Variants in CNTN4 observed in about 807,000 individuals in gnomAD.
The protein encoded by CNTN4 is contactin-4.
A neutral mutation model predicts 122.5 loss-of-function variants in CNTN4; 77 were observed. The ratio of observed to expected loss-of-function variants is 0.63; its 90% confidence interval spans 0.52 to 0.76. The LOEUF (loss-of-function observed/expected upper bound fraction) is 0.76, where lower values mean the gene tolerates loss of function less well. Among genes scored for constraint, CNTN4 ranks in the 30% least tolerant of loss-of-function variants. The pLI is 0.00. For missense variants in CNTN4, 1,256 were observed against 1,259.1 expected, an observed-to-expected ratio of 1.00 and a Z score of 0.04; for synonymous variants, 512 against 447.0, an observed-to-expected ratio of 1.15 and a Z score of -1.83.
At chr3:2,514,403 T>C (rs1253148320) in intron 3 of CNTN4, among the ~76,000 whole-genome samples, 3 of 151,742 alleles carry the variant, frequency 2.0e-5, no homozygotes, top group Admixed American at 6.6e-5. Flanking sequence ...CCAGGGAGGC[T>C]GAGGTGGGAG....
chr3:2,145,233 A>T (rs1460886757), intron 2 of CNTN4, among the ~76,000 whole-genome samples: 1 of 152,208 alleles, frequency 6.6e-6, no homozygotes, highest in African/African-American at 2.4e-5. Flanking sequence ...TTCTGGTGGC[A>T]TTTGGTTCCC....
At chr3:2,792,411 C>T (rs1289478043) in intron 6 of CNTN4, among the ~76,000 whole-genome samples, 1 of 152,134 alleles carries the variant, frequency 6.6e-6, no homozygotes, top group African/African-American at 2.4e-5. Context: ...ACAGAAATAA[C>T]ATAATTTGCT....
At chr3:2,485,939 G>C (rs1328514261) in intron 3 of CNTN4, among the ~76,000 whole-genome samples, 2 of 152,194 alleles carry the variant, frequency 1.3e-5, no homozygotes, top group Non-Finnish European at 2.9e-5. Flanking sequence ...TGAGCCAGCA[G>C]TGGCAACCCG....
chr3:2,416,808 C>T (rs995675058), intron 3 of CNTN4, among the ~76,000 whole-genome samples: 1 of 152,126 alleles, frequency 6.6e-6, no homozygotes, highest in Admixed American at 6.5e-5. Context: ...CGCCTGCAAC[C>T]TCGCCCGGCT....
chr3:2,890,809 C>T (rs981654717), intron 10 of CNTN4, among the ~76,000 whole-genome samples: 3 of 152,276 alleles, frequency 2.0e-5, no homozygotes, highest in South Asian at 4.1e-4. Context: ...TTTTACCCTA[C>T]CCCATCTTCC....
chr3:2,951,148 A>G (rs2124837386), intron 13 of CNTN4, among the ~76,000 whole-genome samples: 1 of 152,322 alleles, frequency 6.6e-6, no homozygotes, highest in Middle Eastern at 3.4e-3. Context: ...TAAATAACGA[A>G]CAATGAATCT....
chr3:2,995,375 G>A (rs1358320356), intron 14 of CNTN4, among the ~76,000 whole-genome samples: 6 of 152,214 alleles, frequency 3.9e-5, no homozygotes, highest in Admixed American at 3.3e-4. Flanking sequence ...TCAATCATGA[G>A]TAGAATGATT....
At chr3:2,717,219 A>G (rs61086809) in intron 4 of CNTN4, among the ~76,000 whole-genome samples, 2,198 of 152,260 alleles carry the variant, frequency 0.014, 55 homozygotes, top group African/African-American at 0.05. Context: ...CCTGGATTTC[A>G]GTAGGGTGCC....
intron 3 of CNTN4, among the ~76,000 whole-genome samples, chr3:2,413,777 G>C (rs1255643955): frequency 6.6e-6 from 1 of 152,128 alleles, no homozygotes; most frequent in Non-Finnish European, 1.5e-5. Context: ...CTGACCTCAA[G>C]TGATCCACCT....
intron 4 of CNTN4, among the ~76,000 whole-genome samples, chr3:2,576,397 A>G (rs1216615038): frequency 6.6e-6 from 1 of 152,238 alleles, no homozygotes; most frequent in African/African-American, 2.4e-5. Context: ...TCTATGGACT[A>G]GCAATACTAT....
chr3:2,240,271 C>CT (rs1374254864), intron 2 of CNTN4, among the ~76,000 whole-genome samples: 1 of 152,026 alleles, frequency 6.6e-6, no homozygotes, highest in Non-Finnish European at 1.5e-5. Flanking sequence ...GATATGTTTT[C>CT]TTTTTTCCTT....
intron 8 of CNTN4, among the ~76,000 whole-genome samples, chr3:2,871,118 C>T (rs2093779391): frequency 2.0e-5 from 3 of 152,138 alleles, no homozygotes; most frequent in Admixed American, 2.0e-4. Flanking sequence ...GCCAAGCAGT[C>T]CAGGCAGAGT....
At chr3:2,862,426 C>T (rs2093680693) in intron 7 of CNTN4, among the ~76,000 whole-genome samples, 2 of 152,134 alleles carry the variant, frequency 1.3e-5, no homozygotes, top group Admixed American at 1.3e-4. Context: ...AGTTAATTTC[C>T]AATAGATTTG....
At chr3:2,966,557 A>C (rs1363875695) in intron 13 of CNTN4, among the ~76,000 whole-genome samples, 5 of 152,206 alleles carry the variant, frequency 3.3e-5, no homozygotes, top group Non-Finnish European at 7.3e-5. Context: ...TCTATCATTC[A>C]ATAACACAAT....
chr3:2,125,346 G>GTGTC, intron 2 of CNTN4, among the ~76,000 whole-genome samples: 1 of 151,458 alleles, frequency 6.6e-6, no homozygotes, highest in Non-Finnish European at 1.5e-5. Flanking sequence ...GTGTGTGTGT[G>GTGTC]TGTGTGTGTG....
Position 2,367,983 on chromosome 3 carries a change from A to G in CNTN4, c.-89+28750A>G, listed in dbSNP as rs76723998. The stretch of plus-strand genomic sequence containing the variant: ...GCATGAACCTTCTCAGTGGTTCACT[A>G]TAGCTTTACAATTCAGCACTTTATC... On this transcript the variant is annotated intron_variant, in intron 3 of 24. Transcript: ENST00000418658. Among the ~76,000 whole-genome samples, 609 of 151,062 alleles carry G rather than the reference A, an allele frequency of 4.0e-3. 5 individuals carry two copies. The highest frequency in any genetic ancestry group is 0.014 in the African/African-American group (585 of 41,068).
At chr3:2,942,126 A>G (rs138141559) in intron 13 of CNTN4, among the ~76,000 whole-genome samples, 2 of 152,340 alleles carry the variant, frequency 1.3e-5, no homozygotes, top group East Asian at 3.9e-4. Flanking sequence ...TAGCCCTGGA[A>G]TACAACTTAG....
chr3:3,001,940 G>A (rs1696088338), intron 14 of CNTN4, among the ~76,000 whole-genome samples: 1 of 152,170 alleles, frequency 6.6e-6, no homozygotes, highest in South Asian at 2.1e-4. Context: ...ATCTTCTCAG[G>A]AGCAGTCAGT....
At chr3:2,849,995 C>T (rs7630355) in intron 7 of CNTN4, among the ~76,000 whole-genome samples, 98,907 of 145,554 alleles carry the variant, frequency 0.68, 34,009 homozygotes, top group East Asian at 0.87. Flanking sequence ...ACTTTTTTTT[C>T]TTTTTTTTTT....
Sources: gnomAD v4.1 joint callset for allele counts (sites outside exome capture counted in the v4.1 genomes callset) on GRCh38, gnomAD v4.1.1 for gene constraint, MANE v1.5 for transcripts, NCBI Gene and HGNC (gene_info 2026-07-23, HGNC 2026-07-21) for gene names.